Variants in APCDD1L observed in about 807,000 individuals in gnomAD.
APCDD1L encodes the protein APC down-regulated 1 like.
In APCDD1L, 21 loss-of-function variants were observed where a neutral mutation model predicts 24.2. That is an observed-to-expected ratio of 0.87 (90% CI 0.61 to 1.25). The LOEUF is 1.25. APCDD1L is among the 50% of genes most tolerant of loss of function. The pLI is 0.00. For synonymous variants in APCDD1L, 321 were observed against 323.6 expected (o/e 0.99, Z 0.09); for missense variants, 704 against 711.7 (o/e 0.99, Z 0.12).
intron 1 of APCDD1L, among the ~76,000 whole-genome samples, chr20:58,474,024 C>T (rs1161823326): frequency 1.3e-5 from 2 of 152,202 alleles, no homozygotes; most frequent in Non-Finnish European, 2.9e-5. Flanking sequence ...ATGGACCTGC[C>T]TGGGGCCTTC....
In APCDD1L at chr20:58,466,991, C is replaced by T. The variant is rs573666705; in HGVS notation, c.741+115G>A. 6.7e-4 allele frequency: 892 copies of T among 1,327,130 alleles called. 19 individuals are homozygous for T. In the South Asian group the frequency reaches 0.01, roughly 15 times the overall value. The allele number at this position is 1,327,130 out of a possible 1,614,324, so 82.2% of individuals were successfully genotyped here. On this transcript the variant is annotated intron_variant, in intron 3 of 3. Coordinates refer to ENST00000371149, the MANE Select transcript of APCDD1L (RefSeq NM_153360.3). ...AGTGGGGAGGGGCAGTGATGACAGC[C>T]GGGCAGCCAGAGCCCTGGGCAGGCC...
At chr20:58,506,808 G>T (rs1453270084) in intron 1 of APCDD1L, among the ~76,000 whole-genome samples, 4 of 152,204 alleles carry the variant, frequency 2.6e-5, no homozygotes, top group Non-Finnish European at 5.9e-5. Context: ...GCCTCAGAGT[G>T]TGTGTGTCTC....
rs1204779829 is a variant in APCDD1L at position 58,459,650 on chromosome 20, C to T, written c.*1140G>A. 4 of 152,876 alleles carry T rather than the reference C, an allele frequency of 2.6e-5. No individual in the cohort carries two copies. The highest frequency in any genetic ancestry group is 2.6e-4 in the Admixed American group (4 of 15,292). The allele number at this position is 152,876 out of a possible 1,614,324, so 9.5% of individuals were successfully genotyped here. ...CATGGGCAGAGTCCCTGGGGAGGCA[C>T]AGCCTGTTCCCACCATGATGACAGT... On this transcript the variant is annotated 3_prime_UTR_variant, in exon 4 of 4. Transcript: ENST00000371149.
At chr20:58,488,572 A>G (rs1453680468) in intron 1 of APCDD1L, among the ~76,000 whole-genome samples, 1 of 152,252 alleles carries the variant, frequency 6.6e-6, no homozygotes, top group Non-Finnish European at 1.5e-5. Context: ...AAATATTTCA[A>G]ACATTTCTAT....
chr20:58,480,920 G>A (rs186551376), intron 1 of APCDD1L, among the ~76,000 whole-genome samples: 2 of 152,230 alleles, frequency 1.3e-5, no homozygotes, highest in Non-Finnish European at 2.9e-5. Context: ...AGATGGAAGC[G>A]TTTCCCTTTT....
intron 1 of APCDD1L, among the ~76,000 whole-genome samples, chr20:58,511,198 G>A (rs1990620082): frequency 6.6e-6 from 1 of 152,210 alleles, no homozygotes; most frequent in African/African-American, 2.4e-5. Flanking sequence ...AGCCAGGGTG[G>A]GAACCAGGTC....
chr20:58,487,779 T>C (rs1391976364), intron 1 of APCDD1L, among the ~76,000 whole-genome samples: 1 of 152,160 alleles, frequency 6.6e-6, no homozygotes, highest in East Asian at 1.9e-4. Context: ...TATCAGAACA[T>C]ACAAAGCAAA....
At chr20:58,486,543 T>A (rs140892684) in intron 1 of APCDD1L, among the ~76,000 whole-genome samples, 80 of 152,120 alleles carry the variant, frequency 5.3e-4, no homozygotes, top group African/African-American at 1.7e-3. Flanking sequence ...GTAGAGGAGA[T>A]GCAATTGGTG....
In APCDD1L at chr20:58,515,064, T is replaced by G. The variant is rs950461912; in HGVS notation, c.-357A>C. 2.3e-5 allele frequency: 5 copies of G among 217,134 alleles called. No individual in the cohort carries two copies. Among genetic ancestry groups the G allele is most frequent in the African/African-American group, 9.2e-5 (4 of 43,302 alleles). 13.5% of individuals were successfully genotyped at this position (217,134 alleles called of 1,614,324 possible). A position where few individuals can be genotyped will look rare whatever the true frequency, so the allele number is the denominator to read the frequency against. The stretch of plus-strand genomic sequence containing the variant: ...CCTGGCCGTCGCCTTCCCCAAAGTC[T>G]TCGCAGTGGGCAAGGAGGCCTCCCC... On this transcript the variant is annotated 5_prime_UTR_variant, in exon 1 of 4. Coordinates refer to ENST00000371149, the MANE Select transcript of APCDD1L (RefSeq NM_153360.3).
At chr20:58,486,854 GTTTTTT>G (rs747539318) in intron 1 of APCDD1L, among the ~76,000 whole-genome samples, 1 of 80,404 alleles carries the variant, frequency 1.2e-5, no homozygotes, top group East Asian at 4.5e-4. Flanking sequence ...TGGAGGGAAG[GTTTTTT>G]TTTTTTTTTT....
chr20:58,504,945 C>A (rs1221055241), intron 1 of APCDD1L, among the ~76,000 whole-genome samples: 1 of 152,220 alleles, frequency 6.6e-6, no homozygotes, highest in African/African-American at 2.4e-5. Flanking sequence ...ACCAGCCTCT[C>A]TTGCTGAAGT....
intron 1 of APCDD1L, among the ~76,000 whole-genome samples, chr20:58,474,114 C>G (rs1343837643): frequency 6.6e-6 from 1 of 152,220 alleles, no homozygotes; most frequent in Non-Finnish European, 1.5e-5. Flanking sequence ...AAATGGTGCC[C>G]AGCGTCTCCT....
At chr20:58,468,485 G>A (rs1462116628) in intron 2 of APCDD1L, among the ~76,000 whole-genome samples, 1 of 151,886 alleles carries the variant, frequency 6.6e-6, no homozygotes, top group Non-Finnish European at 1.5e-5. Context: ...CAGGTAGGGT[G>A]GACGGTGGAT....
rs937102104 is a variant in APCDD1L, at chr20:58,512,318, A to G, written c.49+2341T>C. ...TTTTGACGGATTCGTCTGAAAAACT[A>G]CCTGTTGGGTTTGATCTGTTCATAC... On this transcript the variant is annotated intron_variant, in intron 1 of 3. Coordinates refer to ENST00000371149, the MANE Select transcript of APCDD1L (RefSeq NM_153360.3). 5.3e-5 allele frequency among the ~76,000 whole-genome samples: 8 copies of G among 152,210 alleles called. 1 individual carries two copies. Among genetic ancestry groups the G allele is most frequent in the South Asian group, 4.1e-4 (2 of 4,832 alleles).
chr20:58,514,180 CTCCCTAGCTTCTCCCCGAG>C (rs1339810031), intron 1 of APCDD1L, among the ~76,000 whole-genome samples: 3 of 152,198 alleles, frequency 2.0e-5, no homozygotes, highest in Non-Finnish European at 4.4e-5. Flanking sequence ...TCACTGCGCG[CTCCCTAGCTTCTCCCCGAG>C]TCCTGCTGCA....
At chr20:58,478,003 A>G (rs1989944570) in intron 1 of APCDD1L, among the ~76,000 whole-genome samples, 1 of 152,170 alleles carries the variant, frequency 6.6e-6, no homozygotes. Context: ...AATTATTTAT[A>G]TTACTATGAA....
At chr20:58,479,017 C>T (rs922491505) in intron 1 of APCDD1L, among the ~76,000 whole-genome samples, 2 of 152,110 alleles carry the variant, frequency 1.3e-5, no homozygotes, top group African/African-American at 4.8e-5. Flanking sequence ...ACCCTTGGAA[C>T]CTGCCCTAGT....
chr20:58,476,213 C>T (rs185428090), intron 1 of APCDD1L, among the ~76,000 whole-genome samples: 221 of 152,286 alleles, frequency 1.5e-3, no homozygotes, highest in Non-Finnish European at 2.7e-3. Flanking sequence ...TATTTTGAGA[C>T]GGAGTCTTGC....
At position 58,467,122 on chromosome 20, in the gene APCDD1L, G is replaced by T; in HGVS notation, c.725C>A (p.Pro242Gln). 6.2e-7 allele frequency: 1 copy of T among 1,606,984 alleles called. No homozygotes were observed. ...CACACTCACCAGTGCGCTCTGCAGC[G>T]GGCGCTGGTAGCCCGTGGGCCGGTA... ...RHYRPTGYQR[P>Q]LQSALHHVQP... The change falls in exon 3 of 4, where the codon CCG becomes CAG. Residue 242 changes from proline (P) to glutamine (Q), a missense_variant. Pro to Gln is a moderately conservative substitution (Grantham distance 76). Coordinates refer to ENST00000371149, the MANE Select transcript of APCDD1L (RefSeq NM_153360.3). The surrounding 1 kb of genome is among the most constrained non-coding windows in gnomAD (Gnocchi z 5.9).
Sources: allele counts gnomAD v4.1 joint callset (sites outside exome capture counted in the v4.1 genomes callset), GRCh38; gene constraint gnomAD v4.1.1; non-coding constraint Gnocchi (gnomAD v3.1); transcripts MANE v1.5; gene names NCBI Gene and HGNC (gene_info 2026-07-23, HGNC 2026-07-21).